The following DCHS2 variants were observed in gnomAD, a reference collection of about 807,000 sequenced individuals.
The protein encoded by DCHS2 is dachsous cadherin-related 2.
Under a neutral mutation model 182.4 loss-of-function variants are expected in DCHS2, and 142 were observed. The observed-to-expected ratio is 0.78, with a 90% confidence interval of 0.68 to 0.89. The LOEUF is 0.89. DCHS2 is among the 40% of genes least tolerant of loss of function. DCHS2 has a pLI of 0.00. For synonymous variants in DCHS2, 1,740 were observed against 1,663.3 expected (o/e 1.05, Z -1.12); for missense variants, 4,319 against 4,198.6 (o/e 1.03, Z -0.79).
Position 154,240,732 on chromosome 4 carries a change from A to G in DCHS2, c.7164T>C (p.Asn2388=), listed in dbSNP as rs1229293935. Residue 2388 remains asparagine (N), a synonymous_variant, in exon 18 of 20, where the codon AAT becomes AAC. Transcript: ENST00000357232. ...AFIFSFAKES[N]PGTKFAIDQN... Reference sequence around the variant, plus strand: ...GATCAATAGCAAACTTGGTTCCAGGATTACTCTCTTTGGCAAAACTGAATA... The same window carrying G: ...GATCAATAGCAAACTTGGTTCCAGGGTTACTCTCTTTGGCAAAACTGAATA... The G allele has an allele frequency of 6.2e-7, 1 of 1,613,960 alleles. No homozygotes were observed. Among genetic ancestry groups the G allele is most frequent in the East Asian group, 2.2e-5 (1 of 44,838 alleles).
intron 1 of DCHS2, among the ~76,000 whole-genome samples, chr4:154,457,073 C>T (rs1734799535): frequency 6.6e-6 from 1 of 152,120 alleles, no homozygotes; most frequent in Non-Finnish European, 1.5e-5. Flanking sequence ...CCCTAGAGCA[C>T]TTAAATGTTT....
intron 1 of DCHS2, among the ~76,000 whole-genome samples, chr4:154,391,817 T>C (rs1731721168): frequency 6.6e-6 from 1 of 152,236 alleles, no homozygotes; most frequent in African/African-American, 2.4e-5. Flanking sequence ...GGCCACGTGA[T>C]GGCCCTGACC....
At chr4:154,306,575 G>A (rs1484657308) in intron 10 of DCHS2, among the ~76,000 whole-genome samples, 1 of 151,990 alleles carries the variant, frequency 6.6e-6, no homozygotes, top group Non-Finnish European at 1.5e-5. Context: ...CAGGTGCCAA[G>A]CATAGTACTA....
At chr4:154,424,471 CTG>C (rs1213313203) in intron 1 of DCHS2, among the ~76,000 whole-genome samples, 1 of 152,108 alleles carries the variant, frequency 6.6e-6, no homozygotes, top group Non-Finnish European at 1.5e-5. Context: ...ATAGGAAAAA[CTG>C]TGCAAGAACC....
chr4:154,455,848 G>C (rs1024177183), intron 1 of DCHS2, among the ~76,000 whole-genome samples: 2 of 152,194 alleles, frequency 1.3e-5, no homozygotes, highest in African/African-American at 4.8e-5. Flanking sequence ...TTAGAACTTT[G>C]GGAGGCAGAG....
chr4:154,236,970 T>A lies in DCHS2; in HGVS notation c.7682A>T (p.Asp2561Val), dbSNP rs1389545678. The A allele has an allele frequency of 6.2e-7, 1 of 1,614,050 alleles. No homozygotes were observed. Among genetic ancestry groups the A allele is most frequent in the Admixed American group, 1.7e-5 (1 of 60,014 alleles). Reference protein sequence around the residue: ...VKSYNLSLSEDALVGSTLVTF... With the variant: ...VKSYNLSLSEVALVGSTLVTF... ...AACAAGCGTGCTTCCAACCAGAGCA[T>A]CCTCACTTAGGCTAAGATTATAGGA... Residue 2561 changes from aspartate to valine, a missense_variant, in exon 20 of 20, where the codon GAT (aspartate) becomes GTT (valine). Coordinates refer to ENST00000357232, the MANE Select transcript of DCHS2 (RefSeq NM_001358235.2).
chr4:154,248,180 G>C lies in DCHS2; in HGVS notation c.6942-5408C>G, dbSNP rs557174249. Among the ~76,000 whole-genome samples, 10 of 152,242 alleles carry C rather than the reference G, an allele frequency of 6.6e-5. No individual in the cohort carries two copies. In the South Asian group the frequency reaches 1.0e-3, roughly 16 times the overall value. ...AAAGAAACTGGGGGCTTGAGGAGTAGTGATAAAAGGAAAAAAACATATAAT... is the reference window on the plus strand; with the variant it reads ...AAAGAAACTGGGGGCTTGAGGAGTACTGATAAAAGGAAAAAAACATATAAT... On this transcript the variant is annotated intron_variant, in intron 16 of 19. Coordinates refer to ENST00000357232, the MANE Select transcript of DCHS2 (RefSeq NM_001358235.2).
intron 3 of DCHS2, among the ~76,000 whole-genome samples, chr4:154,361,376 A>C (rs1377848953): frequency 6.6e-6 from 1 of 152,206 alleles, no homozygotes; most frequent in Non-Finnish European, 1.5e-5. Flanking sequence ...CTACAGAATA[A>C]ATAGGACAAA....
rs1214748927 is a variant in DCHS2 at position 154,235,628 on chromosome 4, G to A, written c.9024C>T (p.Leu3008=). ...AAATCATTACAATTAGAATGCAGAT[G>A]AGTATCAGAAACACTAAAAAGGAGA... is the stretch of plus-strand genomic sequence containing the variant. ...LVVSFLVFLI[L]ICILIVMILR... Residue 3008 remains leucine, a synonymous_variant, in exon 20 of 20, where the codon CTC becomes CTT. Coordinates refer to ENST00000357232, the MANE Select transcript of DCHS2 (RefSeq NM_001358235.2). 3 of 1,613,898 alleles carry A rather than the reference G, an allele frequency of 1.9e-6. No homozygotes were observed. The highest frequency in any genetic ancestry group is 1.7e-6 in the Non-Finnish European group (2 of 1,179,938).
intron 3 of DCHS2, among the ~76,000 whole-genome samples, chr4:154,359,194 G>T (rs1244570396): frequency 6.6e-6 from 1 of 151,824 alleles, no homozygotes; most frequent in Non-Finnish European, 1.5e-5. Flanking sequence ...TGACTGCTTG[G>T]ATTTATACAT....
intron 1 of DCHS2, among the ~76,000 whole-genome samples, chr4:154,453,026 G>C (rs947179565): frequency 4.6e-5 from 7 of 152,152 alleles, no homozygotes; most frequent in African/African-American, 1.4e-4. Flanking sequence ...TTATTGCCTT[G>C]CTAAGCTCAC....
Position 154,320,792 on chromosome 4 carries a change from T to G in DCHS2, c.4607A>C (p.Asp1536Ala), listed in dbSNP as rs777794222. 6.2e-7 allele frequency: 1 copy of G among 1,614,156 alleles called. No homozygotes were observed. The highest frequency in any genetic ancestry group is 8.5e-7 in the Non-Finnish European group (1 of 1,180,016). ...ACTGTTCAAAAAACTGCCGTCATCA[T>G]CTTTGGCATTGAAGACATACACCAG... The part of the protein sequence containing the change: ...GTLVYVFNAK[D>A]DDGSFLNSRI... The change falls in exon 9 of 20, where the codon GAT becomes GCT. Residue 1536 changes from aspartate (D) to alanine (A), a missense_variant. Physicochemically the swap from Asp to Ala is moderately radical, Grantham distance 126. Transcript: ENST00000357232.
intron 13 of DCHS2, among the ~76,000 whole-genome samples, chr4:154,276,686 A>G (rs1327183851): frequency 1.3e-5 from 2 of 152,238 alleles, no homozygotes; most frequent in African/African-American, 4.8e-5. Flanking sequence ...GCCTGGAGTG[A>G]CATTAGCAAG....
Position 154,490,706 on chromosome 4 carries a change from G to T in DCHS2, c.650C>A (p.Ala217Glu), listed in dbSNP as rs17031722. Residue 217 changes from alanine to glutamate, a missense_variant, in exon 1 of 20, where the codon GCA becomes GAA. Transcript: ENST00000357232. Reference protein sequence around the residue: ...VQPSDLPKDPAGPFFQLRYRT... With the variant: ...VQPSDLPKDPEGPFFQLRYRT... ...GTAGCGCAACTGGAAGAACGGGCCT[G>T]CGGGGTCCTTGGGCAGGTCGGACGG... The T allele has an allele frequency of 3.6e-3, 5,599 of 1,551,598 alleles. 157 individuals carry two copies. In the African/African-American group the frequency reaches 0.065, roughly 18 times the overall value.
rs1578831634 is a variant in DCHS2, at chr4:154,235,273, C to T, written c.9379G>A (p.Glu3127Lys). The T allele has an allele frequency of 5.0e-6, 8 of 1,614,074 alleles. No homozygotes were observed. The highest frequency in any genetic ancestry group is 6.8e-6 in the Non-Finnish European group (8 of 1,179,960). The change falls in exon 20 of 20, where the codon GAG becomes AAG. Residue 3127 changes from glutamate (E) to lysine (K), a missense_variant. Coordinates refer to ENST00000357232, the MANE Select transcript of DCHS2 (RefSeq NM_001358235.2). ...ATACCCGAGTCTGGCACCCTGGACTCGTGGTCACTCAGAGCTGAGTCTGAG... is the reference window on the plus strand; with the variant it reads ...ATACCCGAGTCTGGCACCCTGGACTTGTGGTCACTCAGAGCTGAGTCTGAG... ...KCSDSALSDH[E>K]SRVPDSGIPR...
chr4:154,364,553 A>T (rs1341514484), intron 3 of DCHS2, among the ~76,000 whole-genome samples: 1 of 152,230 alleles, frequency 6.6e-6, no homozygotes, highest in Non-Finnish European at 1.5e-5. Flanking sequence ...TAAAGGGGCC[A>T]CATCAGTGTA....
chr4:154,378,150 C>A (rs1223083181), intron 1 of DCHS2, among the ~76,000 whole-genome samples: 2 of 152,106 alleles, frequency 1.3e-5, no homozygotes, highest in Non-Finnish European at 2.9e-5. Context: ...GGAAAAGGCA[C>A]CGTCTTATTT....
intron 13 of DCHS2, among the ~76,000 whole-genome samples, chr4:154,278,515 C>A (rs530981293): frequency 7.4e-4 from 112 of 151,918 alleles, no homozygotes; most frequent in African/African-American, 2.6e-3. Flanking sequence ...CATCCATATT[C>A]ATGATACTTA....
chr4:154,255,458 G>A, intron 16 of DCHS2, 61 bp downstream of exon 16: 5 of 1,549,232 alleles, frequency 3.2e-6, no homozygotes, highest in Non-Finnish European at 4.4e-6. Flanking sequence ...GAACAAAACA[G>A]CAATGTTGTC....
Sources: allele counts gnomAD v4.1 joint callset (sites outside exome capture counted in the v4.1 genomes callset), GRCh38; gene constraint gnomAD v4.1.1; transcripts MANE v1.5; gene names NCBI Gene and HGNC (gene_info 2026-07-23, HGNC 2026-07-21).